The following TMPRSS15 variants were observed in gnomAD, a reference collection of about 807,000 sequenced individuals.
The protein encoded by TMPRSS15 is transmembrane serine protease 15, also known as enteropeptidase.
Under a neutral mutation model 125.3 loss-of-function variants are expected in TMPRSS15, and 128 were observed. That is an observed-to-expected ratio of 1.02 (90% CI 0.89 to 1.18). The LOEUF (loss-of-function observed/expected upper bound fraction) is 1.18, where lower values mean the gene tolerates loss of function less well. Among genes scored for constraint, TMPRSS15 ranks in the 50% most tolerant of loss-of-function variants. The pLI is 0.00. For missense variants in TMPRSS15, 1,283 were observed against 1,212.7 expected, an observed-to-expected ratio of 1.06 and a Z score of -0.86; for synonymous variants, 446 against 423.2, an observed-to-expected ratio of 1.05 and a Z score of -0.66.
chr21:18,365,743 C>CTTTTT (rs36165986), intron 6 of TMPRSS15, among the ~76,000 whole-genome samples: 17 of 83,864 alleles, frequency 2.0e-4, no homozygotes, highest in African/African-American at 7.5e-4. Flanking sequence ...CTCTTTTTTC[C>CTTTTT]TTTTTTTTTT....
At chr21:18,323,337 T>C (rs1041841318) in intron 16 of TMPRSS15, among the ~76,000 whole-genome samples, 2 of 152,114 alleles carry the variant, frequency 1.3e-5, no homozygotes, top group African/African-American at 4.8e-5. Context: ...TTCATAATCA[T>C]GGCAGGCAAA....
intron 12 of TMPRSS15, 44 bp downstream of exon 12, chr21:18,343,462 C>T (rs781444604): frequency 1.3e-6 from 2 of 1,507,716 alleles, no homozygotes; most frequent in Non-Finnish European, 1.8e-6. Flanking sequence ...AATTGTTCCA[C>T]CACAAAAAGG....
At chr21:18,374,459 G>A (rs1172274944) in intron 5 of TMPRSS15, among the ~76,000 whole-genome samples, 2 of 113,206 alleles carry the variant, frequency 1.8e-5, no homozygotes, top group African/African-American at 7.0e-5. Context: ...CGGCCTGGGC[G>A]ACAGAGCGAG....
At chr21:18,464,112 G>A (rs2122954373) in intron 1 of TMPRSS15, among the ~76,000 whole-genome samples, 1 of 146,172 alleles carries the variant, frequency 6.8e-6, no homozygotes, top group African/African-American at 2.6e-5. Flanking sequence ...GGCAGAGCTT[G>A]CAGTGAGCTG....
intron 18 of TMPRSS15, among the ~76,000 whole-genome samples, chr21:18,304,430 A>C (rs2146919161): frequency 6.6e-6 from 1 of 152,278 alleles, no homozygotes; most frequent in Middle Eastern, 3.4e-3. Context: ...CTTTTAAAGA[A>C]CTAAGACCTC....
At chr21:18,336,814 G>T (rs995316720) in intron 13 of TMPRSS15, among the ~76,000 whole-genome samples, 1 of 152,132 alleles carries the variant, frequency 6.6e-6, no homozygotes, top group Non-Finnish European at 1.5e-5. Context: ...TGGACAACAG[G>T]TATGTGCCAC....
intron 18 of TMPRSS15, among the ~76,000 whole-genome samples, chr21:18,300,286 CTCTT>C (rs567969792): frequency 1.2e-4 from 14 of 118,384 alleles, no homozygotes; most frequent in African/African-American, 2.2e-4. Context: ...CTTTCTCTCT[CTCTT>C]TCTTTCTCTC....
At chr21:18,359,917 T>A (rs75692821) in intron 7 of TMPRSS15, 54 bp from the exon 8 acceptor site, 17,177 of 816,806 alleles carry the variant, frequency 0.021, 230 homozygotes, top group Non-Finnish European at 0.027. Context: ...GTCATATTTC[T>A]TAATGCATTC....
At chr21:18,476,048 G>A (rs1978874139) in intron 1 of TMPRSS15, among the ~76,000 whole-genome samples, 1 of 152,116 alleles carries the variant, frequency 6.6e-6, no homozygotes, top group Non-Finnish European at 1.5e-5. Context: ...ATTTTACTGT[G>A]TTCCAAGAGC....
intron 16 of TMPRSS15, among the ~76,000 whole-genome samples, chr21:18,324,982 A>C (rs919239011): frequency 6.6e-6 from 1 of 152,192 alleles, no homozygotes; most frequent in Non-Finnish European, 1.5e-5. Context: ...AAACAAAATC[A>C]GTGATTCAAT....
chr21:18,467,033 G>A (rs900903656), intron 1 of TMPRSS15, among the ~76,000 whole-genome samples: 1 of 152,116 alleles, frequency 6.6e-6, no homozygotes, highest in Non-Finnish European at 1.5e-5. Context: ...TGATAGACTG[G>A]ATAAAGAAAA....
At chr21:18,362,863 A>G (rs2075690654) in intron 7 of TMPRSS15, among the ~76,000 whole-genome samples, 1 of 152,100 alleles carries the variant, frequency 6.6e-6, no homozygotes, top group Non-Finnish European at 1.5e-5. Context: ...GAGATCACAC[A>G]TCTTGATCTG....
At chr21:18,484,500 C>G (rs921434965) in intron 1 of TMPRSS15, among the ~76,000 whole-genome samples, 1 of 151,680 alleles carries the variant, frequency 6.6e-6, no homozygotes, top group Admixed American at 6.6e-5. Flanking sequence ...TCCTTCTAAC[C>G]TTGATCTTTT....
chr21:18,387,203 A>T (rs2075951400), intron 3 of TMPRSS15, among the ~76,000 whole-genome samples: 1 of 152,176 alleles, frequency 6.6e-6, no homozygotes. Flanking sequence ...TTAGTAATGA[A>T]ATGAGAATTC....
intron 8 of TMPRSS15, among the ~76,000 whole-genome samples, chr21:18,359,146 C>T (rs541292932): frequency 7.2e-5 from 11 of 152,028 alleles, no homozygotes; most frequent in South Asian, 2.1e-4. Context: ...TTTTGGGGCC[C>T]GGTGGAATAA....
intron 1 of TMPRSS15, chr21:18,460,822 A>G (rs1452578379): frequency 6.6e-6 from 1 of 152,210 alleles, no homozygotes; most frequent in Non-Finnish European, 1.5e-5. Flanking sequence ...AAAAACACAG[A>G]AACATCCATG....
intron 15 of TMPRSS15, among the ~76,000 whole-genome samples, chr21:18,328,881 A>G (rs2075317898): frequency 6.6e-6 from 1 of 152,228 alleles, no homozygotes; most frequent in East Asian, 1.9e-4. Flanking sequence ...TATCTCATGT[A>G]TCCCATAAAT....
At chr21:18,335,738 T>C (rs1258044253) in intron 13 of TMPRSS15, among the ~76,000 whole-genome samples, 1 of 152,194 alleles carries the variant, frequency 6.6e-6, no homozygotes, top group Non-Finnish European at 1.5e-5. Flanking sequence ...ATTCTAAATA[T>C]GACACAATTT....
Position 18,356,200 on chromosome 21 carries a change from A to G in TMPRSS15, c.881-2337T>C, listed in dbSNP as rs114784882. ...TCTGGTGAATAGGTTTTGTGAAAGA[A>G]GAAAGAAGTATGATACAGATGTGGG... On this transcript the variant is annotated intron_variant, in intron 8 of 24. Coordinates refer to ENST00000284885, the MANE Select transcript of TMPRSS15 (RefSeq NM_002772.3). 5.9e-3 allele frequency among the ~76,000 whole-genome samples: 891 copies of G among 151,962 alleles called. 12 individuals carry two copies. Among genetic ancestry groups the G allele is most frequent in the African/African-American group, 0.02 (834 of 41,530 alleles).
Sources: gnomAD v4.1 joint callset for allele counts (sites outside exome capture counted in the v4.1 genomes callset) on GRCh38, gnomAD v4.1.1 for gene constraint, MANE v1.5 for transcripts, NCBI Gene and HGNC (gene_info 2026-07-23, HGNC 2026-07-21) for gene names.